Variants in TAFA5 observed in about 807,000 individuals in gnomAD.
The protein encoded by TAFA5 is TAFA chemokine like family member 5.
In TAFA5, 6 loss-of-function variants were observed where a neutral mutation model predicts 15.3. That is an observed-to-expected ratio of 0.39 (90% confidence interval 0.21 to 0.77). The LOEUF (loss-of-function observed/expected upper bound fraction) is 0.77, where lower values mean the gene tolerates loss of function less well. Ranked by LOEUF, TAFA5 falls within the 30% of genes least tolerant of loss-of-function variation. The pLI is 0.41. For missense variants in TAFA5, 161 were observed against 193.1 expected (o/e 0.83, Z 0.98); for synonymous variants, 103 against 80.7 (o/e 1.28, Z -1.48).
In TAFA5 at chr22:48,749,888, C is replaced by T; in HGVS notation, c.*41C>T. On this transcript the variant is annotated 3_prime_UTR_variant, in exon 4 of 4. Coordinates refer to ENST00000402357, the MANE Select transcript of TAFA5 (RefSeq NM_001082967.3). ...AGGGGCCCCGGGAGTGGCCTTGGCT[C>T]CCTGGAGAGCCCACGTCTCAGCCAC... The T allele has an allele frequency of 6.5e-7, 1 of 1,541,052 alleles. No homozygotes were observed. The highest frequency in any genetic ancestry group is 1.2e-5 in the South Asian group (1 of 83,928).
At chr22:48,635,827 T>C (rs1218221564) in intron 1 of TAFA5, among the ~76,000 whole-genome samples, 1 of 152,238 alleles carries the variant, frequency 6.6e-6, no homozygotes, top group Non-Finnish European at 1.5e-5. Flanking sequence ...TCCTGGGGGC[T>C]GAGCAGCCCC....
chr22:48,551,856 G>A (rs1043592088), intron 1 of TAFA5, among the ~76,000 whole-genome samples: 8 of 152,220 alleles, frequency 5.3e-5, no homozygotes, highest in African/African-American at 1.4e-4. Context: ...GCTGCCCCGC[G>A]CTTTCCCATG....
chr22:48,514,917 C>T (rs1324065541), intron 1 of TAFA5, among the ~76,000 whole-genome samples: 3 of 152,386 alleles, frequency 2.0e-5, no homozygotes, highest in Middle Eastern at 3.4e-3. Context: ...AGGGTAAGCA[C>T]TGCCATCTCC....
intron 2 of TAFA5, among the ~76,000 whole-genome samples, chr22:48,647,118 C>A (rs1262408097): frequency 6.6e-6 from 1 of 152,156 alleles, no homozygotes; most frequent in Non-Finnish European, 1.5e-5. Context: ...CCATCGTCTG[C>A]GTGTGGTCTG....
chr22:48,646,833 A>G, intron 2 of TAFA5, 87 bp downstream of exon 2: 1 of 1,462,280 alleles, frequency 6.8e-7, no homozygotes, highest in Non-Finnish European at 9.1e-7. Context: ...CCCTTACCTG[A>G]AGGTCCCCCT....
intron 1 of TAFA5, among the ~76,000 whole-genome samples, chr22:48,567,274 G>A (rs902282217): frequency 1.3e-5 from 2 of 152,238 alleles, no homozygotes; most frequent in African/African-American, 2.4e-5. Context: ...CCTGGCCTCC[G>A]GAAGGCTGCT....
chr22:48,635,591 G>C (rs969696738), intron 1 of TAFA5, among the ~76,000 whole-genome samples: 5 of 152,214 alleles, frequency 3.3e-5, no homozygotes, highest in Non-Finnish European at 7.3e-5. Context: ...CCAGCTAAGG[G>C]GGGCAGAGTC....
intron 1 of TAFA5, among the ~76,000 whole-genome samples, chr22:48,582,193 A>G (rs939525484): frequency 6.6e-6 from 1 of 151,954 alleles, no homozygotes; most frequent in Non-Finnish European, 1.5e-5. Flanking sequence ...ACAGAGACAC[A>G]CCACACACTA....
intron 1 of TAFA5, among the ~76,000 whole-genome samples, chr22:48,510,220 G>A (rs866704212): frequency 1.3e-5 from 2 of 152,206 alleles, no homozygotes; most frequent in African/African-American, 4.8e-5. Context: ...AAAAGCTTCT[G>A]CACAGCAAAG....
intron 2 of TAFA5, among the ~76,000 whole-genome samples, chr22:48,671,693 A>G (rs559106327): frequency 2.8e-4 from 43 of 152,162 alleles, no homozygotes; most frequent in Non-Finnish European, 5.6e-4. Flanking sequence ...TGAGACCTTC[A>G]GGGCACCTCC....
intron 2 of TAFA5, among the ~76,000 whole-genome samples, chr22:48,664,831 T>G (rs900504820): frequency 6.6e-6 from 1 of 152,242 alleles, no homozygotes; most frequent in Non-Finnish European, 1.5e-5. Context: ...TCTATCTGTC[T>G]GTGCCAAGGA....
At chr22:48,561,384 G>A (rs1923224531) in intron 1 of TAFA5, among the ~76,000 whole-genome samples, 1 of 152,164 alleles carries the variant, frequency 6.6e-6, no homozygotes, top group African/African-American at 2.4e-5. Context: ...AGATGACAAG[G>A]CTGTTCCAGG....
At chr22:48,524,193 C>T (rs2147108836) in intron 1 of TAFA5, among the ~76,000 whole-genome samples, 1 of 152,368 alleles carries the variant, frequency 6.6e-6, no homozygotes, top group Non-Finnish European at 1.5e-5. Context: ...CCAACGCTGA[C>T]CTCAGGGCCT....
At chr22:48,647,510 CA>C (rs1304513291) in intron 2 of TAFA5, among the ~76,000 whole-genome samples, 1 of 152,126 alleles carries the variant, frequency 6.6e-6, no homozygotes, top group Non-Finnish European at 1.5e-5. Flanking sequence ...CAGCTAAGTT[CA>C]GGGGACAGCA....
At chr22:48,559,128 C>T (rs536918472) in intron 1 of TAFA5, among the ~76,000 whole-genome samples, 3 of 152,336 alleles carry the variant, frequency 2.0e-5, no homozygotes, top group Admixed American at 1.3e-4. Flanking sequence ...GGAGCCCATA[C>T]CAGGAACCCA....
chr22:48,730,233 A>C (rs542418521), intron 3 of TAFA5, among the ~76,000 whole-genome samples: 1 of 152,258 alleles, frequency 6.6e-6, no homozygotes, highest in South Asian at 2.1e-4. Context: ...AATACAAAAA[A>C]ATTAGCTGGG....
intron 1 of TAFA5, among the ~76,000 whole-genome samples, chr22:48,564,998 G>A (rs938815894): frequency 1.3e-5 from 2 of 152,340 alleles, no homozygotes; most frequent in African/African-American, 4.8e-5. Flanking sequence ...TAAAATGCAC[G>A]GCCCCACACC....
At chr22:48,707,319 C>T (rs1390586947) in intron 2 of TAFA5, among the ~76,000 whole-genome samples, 1 of 152,154 alleles carries the variant, frequency 6.6e-6, no homozygotes, top group Admixed American at 6.5e-5. Flanking sequence ...CACAGGCTGC[C>T]CTCGCTGTAT....
intron 2 of TAFA5, among the ~76,000 whole-genome samples, chr22:48,672,630 C>T (rs139241466): frequency 1.3e-5 from 2 of 152,312 alleles, no homozygotes; most frequent in East Asian, 3.9e-4. Context: ...TACATGATGG[C>T]TGTGTGATAC....
Sources: allele counts gnomAD v4.1 joint callset (sites outside exome capture counted in the v4.1 genomes callset), GRCh38; gene constraint gnomAD v4.1.1; transcripts MANE v1.5; gene names NCBI Gene and HGNC (gene_info 2026-07-23, HGNC 2026-07-21).